LYZL1: variants seen among roughly 807,000 people sequenced by gnomAD.
LYZL1 encodes the protein lysozyme like 1.
LYZL1 carries 16 observed loss-of-function variants against 17.9 expected under a neutral mutation model. That is an observed-to-expected ratio of 0.90 (90% CI 0.61 to 1.36). LYZL1 has a LOEUF of 1.36. Ranked by LOEUF, LYZL1 falls within the 40% of genes most tolerant of loss-of-function variation. LYZL1 has a pLI of 0.00. For synonymous variants in LYZL1, 58 were observed against 71.8 expected (o/e 0.81, Z 0.97); for missense variants, 149 against 188.4 (o/e 0.79, Z 1.22).
chr10:29,297,250 A>C (rs1034710431), intron 3 of LYZL1, among the ~76,000 whole-genome samples: 5 of 152,202 alleles, frequency 3.3e-5, no homozygotes, highest in Non-Finnish European at 7.3e-5. Flanking sequence ...TGAGTGAAAA[A>C]TAGGAGAAAT....
intron 3 of LYZL1, among the ~76,000 whole-genome samples, chr10:29,298,508 C>A (rs1290225248): frequency 6.6e-6 from 1 of 152,162 alleles, no homozygotes; most frequent in Admixed American, 6.6e-5. Flanking sequence ...GTGCACAGAG[C>A]ATGGTGGAGA....
chr10:29,294,304 G>A (rs887217751), intron 3 of LYZL1, among the ~76,000 whole-genome samples: 1 of 152,214 alleles, frequency 6.6e-6, no homozygotes, highest in Admixed American at 6.5e-5. Flanking sequence ...AGAGAGGTCA[G>A]TTAATTAAGC....
chr10:29,302,541 G>A (rs1238443619), intron 3 of LYZL1, among the ~76,000 whole-genome samples: 2 of 152,190 alleles, frequency 1.3e-5, no homozygotes, highest in Non-Finnish European at 2.9e-5. Context: ...GTACATGGAT[G>A]TTCATATGTC....
chr10:29,306,839 T>TGAGAGAGA (rs146929957), intron 3 of LYZL1, among the ~76,000 whole-genome samples: 1 of 138,990 alleles, frequency 7.2e-6, no homozygotes, highest in South Asian at 2.3e-4. Context: ...TGAAAGAGAT[T>TGAGAGAGA]GAGAGAGAGA....
downstream of LYZL1, chr10:29,311,358 C>CA: frequency 1.4e-6 from 1 of 694,884 alleles, no homozygotes; most frequent in Non-Finnish European, 2.0e-6. Flanking sequence ...TTTCTGTGGC[C>CA]CTGAAACTGC....
intron 3 of LYZL1, among the ~76,000 whole-genome samples, chr10:29,294,067 T>C (rs1439910118): frequency 6.6e-6 from 1 of 150,922 alleles, no homozygotes; most frequent in Non-Finnish European, 1.5e-5. Flanking sequence ...AAGATTTGGG[T>C]AGAGATAGAG....
chr10:29,293,134 CTTTTTTT>C (rs11453474), intron 3 of LYZL1, among the ~76,000 whole-genome samples: 1 of 121,048 alleles, frequency 8.3e-6, no homozygotes, highest in Non-Finnish European at 1.7e-5. Flanking sequence ...TTTCTTTTTT[CTTTTTTT>C]TTTTTTTTTG....
chr10:29,308,880 A>G (rs1835632869), intron 3 of LYZL1, among the ~76,000 whole-genome samples: 1 of 152,188 alleles, frequency 6.6e-6, no homozygotes. Context: ...TGGGAGGATC[A>G]CTTAAGCCCA....
chr10:29,316,846 A>AG (rs1026685237), intron 3 of LYZL1, among the ~76,000 whole-genome samples: 1 of 151,822 alleles, frequency 6.6e-6, no homozygotes, highest in African/African-American at 2.4e-5. Flanking sequence ...CCTCCCACGT[A>AG]GCTGGGACTA....
chr10:29,301,412 G>C (rs1198116373), intron 3 of LYZL1, among the ~76,000 whole-genome samples: 1 of 151,980 alleles, frequency 6.6e-6, no homozygotes, highest in African/African-American at 2.4e-5. Flanking sequence ...TGCCCAGGCT[G>C]ATCTCAGACT....
intron 3 of LYZL1, among the ~76,000 whole-genome samples, chr10:29,308,428 C>G (rs1192243711): frequency 6.6e-6 from 1 of 152,218 alleles, no homozygotes. Context: ...TCCTCCACCC[C>G]ATTCCTTTCA....
At chr10:29,302,390 C>T (rs1301119970) in intron 3 of LYZL1, among the ~76,000 whole-genome samples, 3 of 151,004 alleles carry the variant, frequency 2.0e-5, no homozygotes, top group East Asian at 1.9e-4. Context: ...GCAGGCTGCT[C>T]GTAAGGATGA....
At chr10:29,315,737 TA>T (rs1228486894), downstream of LYZL1, among the ~76,000 whole-genome samples, 1 of 151,390 alleles carries the variant, frequency 6.6e-6, no homozygotes, top group Non-Finnish European at 1.5e-5. Context: ...TGGTCCCAGC[TA>T]CTTGGGAGGC....
chr10:29,303,375 C>G (rs1301280515), intron 3 of LYZL1, among the ~76,000 whole-genome samples: 2 of 152,162 alleles, frequency 1.3e-5, no homozygotes, highest in African/African-American at 4.8e-5. Flanking sequence ...GTTTTTCTCT[C>G]TCTCAAAGAT....
rs139380253 is a variant in LYZL1 at position 29,292,632 on chromosome 10, C to T, written c.253C>T (p.Arg85Cys). 4.3e-4 allele frequency: 686 copies of T among 1,614,108 alleles called. No individual in the cohort carries two copies. Among genetic ancestry groups the T allele is most frequent in the African/African-American group, 6.0e-4 (45 of 74,946 alleles). ...FQINSFAWCR[R>C]GKLKENNHCH... ...GATCAACAGCTTCGCGTGGTGCAGA[C>T]GCGGAAAGCTGAAGGAGAACAACCA... is the stretch of plus-strand genomic sequence containing the variant. Residue 85 changes from arginine (R) to cysteine (C), a missense_variant, in exon 3 of 5, where the codon CGC (arginine) becomes TGC (cysteine). Arg to Cys is a radical substitution (Grantham distance 180, BLOSUM62 -3). This residue lies in a region of LYZL1 where 130 missense variants were observed against 132.5 expected (regional missense o/e 0.98). Coordinates refer to ENST00000649382, the MANE Select transcript of LYZL1 (RefSeq NM_032517.6).
chr10:29,300,664 T>C (rs773787710), intron 3 of LYZL1, among the ~76,000 whole-genome samples: 1 of 152,222 alleles, frequency 6.6e-6, no homozygotes, highest in Non-Finnish European at 1.5e-5. Context: ...GAACTTTCTT[T>C]ACCTTCTTTT....
At chr10:29,314,918 C>T (rs10763710), downstream of LYZL1, among the ~76,000 whole-genome samples, 52,276 of 151,934 alleles carry the variant, frequency 0.34, 9,052 homozygotes, top group Middle Eastern at 0.43. Context: ...AGTGACAGAA[C>T]GTGTCCTAGT....
chr10:29,300,028 A>G (rs1359510722), intron 3 of LYZL1, among the ~76,000 whole-genome samples: 2 of 152,326 alleles, frequency 1.3e-5, no homozygotes, highest in East Asian at 3.9e-4. Context: ...AGCCATAGAA[A>G]GTATGTAAAT....
chr10:29,315,563 GT>G (rs1314384565), downstream of LYZL1, among the ~76,000 whole-genome samples: 9 of 151,566 alleles, frequency 5.9e-5, no homozygotes, highest in Non-Finnish European at 1.2e-4. Flanking sequence ...AAAATAAAAA[GT>G]TTAAGGGCTC....
Sources: gnomAD v4.1 joint callset for allele counts (sites outside exome capture counted in the v4.1 genomes callset) on GRCh38, gnomAD v4.1.1 for gene constraint, gnomAD v4.1.1 regional missense constraint, MANE v1.5 for transcripts, NCBI Gene and HGNC (gene_info 2026-07-23, HGNC 2026-07-21) for gene names.